INSL6: variants seen among roughly 807,000 people sequenced by gnomAD.
The protein encoded by INSL6 is insulin-like peptide INSL6.
A neutral mutation model predicts 9.4 loss-of-function variants in INSL6; 16 were observed. The observed-to-expected ratio is 1.70, with a 90% CI of 1.15 to 2.59. INSL6 has a LOEUF of 2.59. Ranked by LOEUF, INSL6 falls within the 30% of genes most tolerant of loss-of-function variation. The pLI is 0.00. For synonymous variants in INSL6, 154 were observed against 96.9 expected (o/e 1.59, Z -3.46); for missense variants, 391 against 257.3 (o/e 1.52, Z -3.56).
At chr9:5,063,929 G>A in the INSL6 span, among the ~76,000 whole-genome samples, 3 of 152,218 alleles carry the variant, frequency 2.0e-5, no homozygotes, top group Non-Finnish European at 2.9e-5. Context: ...AGGCCAAGGC[G>A]GGCGGATCAT....
At chr9:5,168,902 G>A (rs1284296116) in intron 1 of INSL6, among the ~76,000 whole-genome samples, 1 of 150,848 alleles carries the variant, frequency 6.6e-6, no homozygotes, top group African/African-American at 2.5e-5. Flanking sequence ...CAAGCCAGAA[G>A]AGACGGGCGG....
the INSL6 span, among the ~76,000 whole-genome samples, chr9:5,031,512 C>T: frequency 6.6e-6 from 1 of 152,036 alleles, no homozygotes; most frequent in Admixed American, 6.6e-5. Context: ...AGTTGATTAG[C>T]TGTTTGAATA....
intron 3 of INSL6, among the ~76,000 whole-genome samples, chr9:5,129,661 A>T (rs1477845508): frequency 2.0e-5 from 3 of 152,118 alleles, no homozygotes; most frequent in Admixed American, 2.0e-4. Context: ...GAATATCAGA[A>T]ATACTGTGTG....
chr9:5,053,986 T>A, the INSL6 span, among the ~76,000 whole-genome samples: 3 of 152,094 alleles, frequency 2.0e-5, no homozygotes, highest in East Asian at 5.8e-4. Context: ...TTTAGAATAT[T>A]GTACATAGAG....
At chr9:5,085,840 C>A in the INSL6 span, 1 of 763,786 alleles carries the variant, frequency 1.3e-6, no homozygotes, top group Non-Finnish European at 2.4e-6. Context: ...TTTCCTTTTA[C>A]ATCAAAGTAG....
At chr9:5,032,829 A>G in the INSL6 span, among the ~76,000 whole-genome samples, 2 of 152,346 alleles carry the variant, frequency 1.3e-5, no homozygotes, top group South Asian at 2.1e-4. Context: ...AACTCTAAAA[A>G]TGAGAGCACC....
the INSL6 span, chr9:5,113,891 A>T: frequency 9.2e-6 from 2 of 217,154 alleles, no homozygotes; most frequent in African/African-American, 4.7e-5. Context: ...AAGATCTTAC[A>T]GTCCTCCTGT....
At chr9:5,014,024 A>G in the INSL6 span, among the ~76,000 whole-genome samples, 1 of 152,140 alleles carries the variant, frequency 6.6e-6, no homozygotes, top group Non-Finnish European at 1.5e-5. Context: ...ATTGATCTGA[A>G]AAGTTGTGTC....
chr9:5,066,763 A>G, the INSL6 span: 2 of 1,563,014 alleles, frequency 1.3e-6, no homozygotes, highest in Non-Finnish European at 8.6e-7. Context: ...GGACTTTAAT[A>G]AATATTTTTT....
At chr9:5,155,899 C>T (rs1452463261) in intron 2 of INSL6, among the ~76,000 whole-genome samples, 1 of 151,666 alleles carries the variant, frequency 6.6e-6, no homozygotes, top group African/African-American at 2.4e-5. Flanking sequence ...GCACATGTAC[C>T]CTAGAACTTA....
At chr9:5,061,995 T>C in the INSL6 span, among the ~76,000 whole-genome samples, 1 of 152,144 alleles carries the variant, frequency 6.6e-6, no homozygotes, top group Non-Finnish European at 1.5e-5. Flanking sequence ...AGCTATTCGG[T>C]GGAGCAGTCA....
chr9:5,032,145 T>A, the INSL6 span, among the ~76,000 whole-genome samples: 2 of 152,194 alleles, frequency 1.3e-5, no homozygotes, highest in African/African-American at 4.8e-5. Context: ...GGAGCCTCGC[T>A]CATTGCTAGC....
chr9:5,131,459 C>T (rs1452791585), intron 3 of INSL6, among the ~76,000 whole-genome samples: 2 of 61,508 alleles, frequency 3.3e-5, no homozygotes, highest in Non-Finnish European at 5.9e-5. Flanking sequence ...TTTTTTGAGA[C>T]AGAGTTTTGC....
At chr9:5,004,508 A>G in the INSL6 span, among the ~76,000 whole-genome samples, 1 of 152,098 alleles carries the variant, frequency 6.6e-6, no homozygotes, top group African/African-American at 2.4e-5. Context: ...TTGTGTACAT[A>G]TGCTGTATTT....
the INSL6 span, among the ~76,000 whole-genome samples, chr9:5,087,928 A>G: frequency 2.6e-3 from 393 of 152,346 alleles, 1 homozygote; most frequent in Non-Finnish European, 3.9e-3. Context: ...CATTCGTGTG[A>G]CAATATACAA....
chr9:5,012,441 A>G, the INSL6 span, among the ~76,000 whole-genome samples: 12 of 152,176 alleles, frequency 7.9e-5, no homozygotes, highest in Non-Finnish European at 1.6e-4. Flanking sequence ...CTCTCTCATT[A>G]TCAAAAATCT....
At chr9:5,106,776 A>T in the INSL6 span, among the ~76,000 whole-genome samples, 6 of 152,160 alleles carry the variant, frequency 3.9e-5, no homozygotes, top group African/African-American at 1.4e-4. Flanking sequence ...GGAAACCATC[A>T]TTCTCAGCAA....
At chr9:5,003,850 C>G in the INSL6 span, among the ~76,000 whole-genome samples, 3 of 143,230 alleles carry the variant, frequency 2.1e-5, no homozygotes, top group African/African-American at 7.4e-5. Flanking sequence ...TACCCTTTAT[C>G]AGAGTGAGGA....
intron 2 of INSL6, among the ~76,000 whole-genome samples, chr9:5,154,532 A>T (rs1350098266): frequency 6.6e-6 from 1 of 152,232 alleles, no homozygotes; most frequent in Admixed American, 6.5e-5. Context: ...CAGAGTGAAC[A>T]GGCAACCTAT....
Sources: allele counts gnomAD v4.1 joint callset (sites outside exome capture counted in the v4.1 genomes callset), GRCh38; gene constraint gnomAD v4.1.1; transcripts MANE v1.5; gene names NCBI Gene and HGNC (gene_info 2026-07-23, HGNC 2026-07-21).